Variants in NCKAP5 observed in about 807,000 individuals in gnomAD.
The protein encoded by NCKAP5 is nck-associated protein 5.
A neutral mutation model predicts 167.0 loss-of-function variants in NCKAP5; 92 were observed. The observed-to-expected ratio is 0.55, with a 90% CI of 0.47 to 0.66. The LOEUF (loss-of-function observed/expected upper bound fraction) is 0.66. Ranked by LOEUF, NCKAP5 falls within the 30% of genes least tolerant of loss-of-function variation. NCKAP5 has a pLI of 0.00. For synonymous variants in NCKAP5, 891 were observed against 877.4 expected (o/e 1.02, Z -0.27); for missense variants, 2,378 against 2,315.0 (o/e 1.03, Z -0.56).
At chr2:133,048,353 A>G (rs1411767242) in intron 6 of NCKAP5, among the ~76,000 whole-genome samples, 1 of 152,218 alleles carries the variant, frequency 6.6e-6, no homozygotes, top group East Asian at 1.9e-4. Context: ...CCTGGCATAT[A>G]GAAGGTATGC....
At chr2:133,469,582 C>G (rs951972646) in intron 3 of NCKAP5, among the ~76,000 whole-genome samples, 10 of 152,072 alleles carry the variant, frequency 6.6e-5, no homozygotes, top group South Asian at 2.1e-4. Context: ...GGGAAGTTCT[C>G]CTGGATAATA....
chr2:133,312,849 G>A (rs1681344030), intron 3 of NCKAP5, among the ~76,000 whole-genome samples: 1 of 152,190 alleles, frequency 6.6e-6, no homozygotes, highest in Non-Finnish European at 1.5e-5. Flanking sequence ...GAAATACGAA[G>A]CAGCAGTCAT....
At chr2:132,931,426 C>A (rs1380494477) in intron 8 of NCKAP5, 1 of 152,064 alleles carries the variant, frequency 6.6e-6, no homozygotes, top group Non-Finnish European at 1.5e-5. Flanking sequence ...CTCTGTGAAT[C>A]TGCTGTGATA....
chr2:133,603,343 A>C, the NCKAP5 span, among the ~76,000 whole-genome samples: 78 of 148,114 alleles, frequency 5.3e-4, no homozygotes, highest in African/African-American at 1.9e-3. Context: ...TCCCAGCCTC[A>C]GCCTCCCAAG....
the NCKAP5 span, among the ~76,000 whole-genome samples, chr2:133,633,151 G>A: frequency 8.5e-5 from 13 of 152,320 alleles, no homozygotes; most frequent in Non-Finnish European, 1.6e-4. Flanking sequence ...GAGGGGGGAT[G>A]TGTTCAGACA....
chr2:133,298,501 A>G (rs1357877759), intron 4 of NCKAP5, among the ~76,000 whole-genome samples: 1 of 152,208 alleles, frequency 6.6e-6, no homozygotes, highest in Non-Finnish European at 1.5e-5. Context: ...TAATTTAATC[A>G]TATCTGAGAA....
Position 132,790,983 on chromosome 2 carries a change from A to T in NCKAP5, c.910-778T>A, listed in dbSNP as rs543850930. 5.3e-5 allele frequency among the ~76,000 whole-genome samples: 8 copies of T among 152,356 alleles called. No individual in the cohort carries two copies. In the South Asian group the frequency reaches 1.2e-3, roughly 24 times the overall value. ...TACAAAAGGACGAAGATAGAGTCAC[A>T]TCTTTGACTACAGGCTTCAAAAGCA... On this transcript the variant is annotated intron_variant, in intron 12 of 19. Coordinates refer to ENST00000409261, the MANE Select transcript of NCKAP5 (RefSeq NM_207363.3).
chr2:133,200,061 C>CT (rs70973417), intron 5 of NCKAP5, among the ~76,000 whole-genome samples: 1,889 of 109,344 alleles, frequency 0.017, 38 homozygotes, highest in South Asian at 0.057. Context: ...TTTTTTCTTT[C>CT]TTTTTTTTTT....
At chr2:133,307,858 A>T (rs1437426459) in intron 3 of NCKAP5, among the ~76,000 whole-genome samples, 1 of 152,168 alleles carries the variant, frequency 6.6e-6, no homozygotes, top group Non-Finnish European at 1.5e-5. Context: ...AAAATATGGA[A>T]TTCACAATAT....
At chr2:133,613,465 T>A in the NCKAP5 span, among the ~76,000 whole-genome samples, 1 of 152,244 alleles carries the variant, frequency 6.6e-6, no homozygotes, top group Non-Finnish European at 1.5e-5. Context: ...TTTTTCTAGC[T>A]CTGCCTCTCA....
chr2:133,002,047 A>G (rs1428167834), intron 6 of NCKAP5, among the ~76,000 whole-genome samples: 1 of 152,186 alleles, frequency 6.6e-6, no homozygotes, highest in Non-Finnish European at 1.5e-5. Flanking sequence ...TTATATAAGA[A>G]AGCTGAGCAT....
intron 19 of NCKAP5, among the ~76,000 whole-genome samples, chr2:132,698,669 C>T (rs565393169): frequency 1.7e-3 from 263 of 152,184 alleles, no homozygotes; most frequent in African/African-American, 6.1e-3. Context: ...CCTGTCTCTA[C>T]TAAAAATACA....
chr2:133,492,582 T>C (rs1681570194), intron 3 of NCKAP5, among the ~76,000 whole-genome samples: 1 of 152,210 alleles, frequency 6.6e-6, no homozygotes, highest in Non-Finnish European at 1.5e-5. Context: ...ACTAGTTATA[T>C]GACCAAGAAC....
intron 18 of NCKAP5, among the ~76,000 whole-genome samples, chr2:132,726,927 A>G (rs115546368): frequency 1.0e-3 from 157 of 152,324 alleles, no homozygotes; most frequent in African/African-American, 3.3e-3. Flanking sequence ...CAGACCTCCA[A>G]AAGGACCCAG....
At chr2:133,263,939 A>T (rs2089047883) in intron 4 of NCKAP5, among the ~76,000 whole-genome samples, 1 of 152,204 alleles carries the variant, frequency 6.6e-6, no homozygotes, top group South Asian at 2.1e-4. Flanking sequence ...AGAAAGTAAC[A>T]TCATTGCCTA....
chr2:132,973,746 A>T (rs930963843), intron 7 of NCKAP5, among the ~76,000 whole-genome samples: 3 of 152,030 alleles, frequency 2.0e-5, no homozygotes, highest in Non-Finnish European at 4.4e-5. Context: ...AACACAAAAA[A>T]ACAAAAAAGA....
chr2:133,122,433 C>T (rs111249466), intron 6 of NCKAP5: 6 of 152,180 alleles, frequency 3.9e-5, no homozygotes, highest in African/African-American at 1.2e-4. Flanking sequence ...GCTCTTTCTT[C>T]AGAGAAATTG....
At chr2:133,210,195 T>C (rs2086148760) in intron 5 of NCKAP5, among the ~76,000 whole-genome samples, 2 of 149,066 alleles carry the variant, frequency 1.3e-5, no homozygotes, top group Admixed American at 1.3e-4. Flanking sequence ...TAATATAATA[T>C]AACATAATAT....
chr2:133,392,168 G>T lies in NCKAP5; in HGVS notation c.70-89058C>A, dbSNP rs141277743. Among the ~76,000 whole-genome samples, 336 of 152,280 alleles carry T rather than the reference G, an allele frequency of 2.2e-3. 1 individual carries two copies. Among genetic ancestry groups the T allele is most frequent in the African/African-American group, 7.8e-3 (323 of 41,552 alleles). ...TCAATGACAGACCACATATTCAATG[G>T]TAGTCCCATAAGATTATAAAACCAT... is the stretch of plus-strand genomic sequence containing the variant. On this transcript the variant is annotated intron_variant, in intron 3 of 19. Coordinates refer to ENST00000409261, the MANE Select transcript of NCKAP5 (RefSeq NM_207363.3).
Sources: allele counts gnomAD v4.1 joint callset (sites outside exome capture counted in the v4.1 genomes callset), GRCh38; gene constraint gnomAD v4.1.1; transcripts MANE v1.5; gene names NCBI Gene and HGNC (gene_info 2026-07-23, HGNC 2026-07-21).